KCNIP4: variants seen among roughly 807,000 people sequenced by gnomAD.
The protein encoded by KCNIP4 is Kv channel-interacting protein 4.
In KCNIP4, 12 loss-of-function variants were observed where a neutral mutation model predicts 34.0. The ratio of observed to expected loss-of-function variants is 0.35; its 90% confidence interval spans 0.23 to 0.57. The LOEUF (loss-of-function observed/expected upper bound fraction) is 0.57. Ranked by LOEUF, KCNIP4 falls within the 20% of genes least tolerant of loss-of-function variation. KCNIP4 has a pLI of 0.83. For missense variants in KCNIP4, 238 were observed against 311.7 expected (o/e 0.76, Z 1.78); for synonymous variants, 124 against 102.2 (o/e 1.21, Z -1.29).
chr4:20,811,358 C>G (rs1715728498), intron 3 of KCNIP4, among the ~76,000 whole-genome samples: 1 of 152,176 alleles, frequency 6.6e-6, no homozygotes, highest in Non-Finnish European at 1.5e-5. Flanking sequence ...CATGTTGAAA[C>G]TATACACATA....
chr4:21,316,356 CAAAG>C (rs962476426), intron 1 of KCNIP4: 29 of 151,926 alleles, frequency 1.9e-4, no homozygotes, highest in Admixed American at 1.9e-3. Flanking sequence ...TGGAAAGGAA[CAAAG>C]AAAGAAAAAA....
intron 1 of KCNIP4, among the ~76,000 whole-genome samples, chr4:21,104,419 T>C (rs1577696844): frequency 6.6e-6 from 1 of 152,214 alleles, no homozygotes; most frequent in East Asian, 1.9e-4. Context: ...TTCATATCCT[T>C]CATCCACTTT....
intron 1 of KCNIP4, among the ~76,000 whole-genome samples, chr4:21,205,696 T>C (rs1439044135): frequency 6.6e-6 from 1 of 152,218 alleles, no homozygotes; most frequent in Non-Finnish European, 1.5e-5. Context: ...CTCCATTTTA[T>C]AGTTGAAGAA....
chr4:21,157,400 T>C (rs1357205504), intron 1 of KCNIP4, among the ~76,000 whole-genome samples: 1 of 152,086 alleles, frequency 6.6e-6, no homozygotes, highest in Non-Finnish European at 1.5e-5. Context: ...TAAGGCACTT[T>C]CAATTCTGAT....
chr4:21,619,267 T>C (rs1183611168), intron 1 of KCNIP4, among the ~76,000 whole-genome samples: 2 of 152,216 alleles, frequency 1.3e-5, no homozygotes, highest in Non-Finnish European at 2.9e-5. Flanking sequence ...ACTAATGCGC[T>C]CCACATTTTA....
intron 1 of KCNIP4, among the ~76,000 whole-genome samples, chr4:20,993,890 C>T (rs1378642484): frequency 6.6e-6 from 1 of 152,140 alleles, no homozygotes; most frequent in East Asian, 1.9e-4. Flanking sequence ...AGGAGGGAAT[C>T]AATTTTCTTG....
At chr4:21,825,882 C>A (rs1356832275) in intron 1 of KCNIP4, among the ~76,000 whole-genome samples, 3 of 151,992 alleles carry the variant, frequency 2.0e-5, no homozygotes, top group Non-Finnish European at 4.4e-5. Context: ...GAGAGGATGG[C>A]AGATAATTTA....
At chr4:21,817,210 G>C (rs867329621) in intron 1 of KCNIP4, among the ~76,000 whole-genome samples, 1 of 152,104 alleles carries the variant, frequency 6.6e-6, no homozygotes, top group African/African-American at 2.4e-5. Flanking sequence ...GGGACCATCT[G>C]GAGCCGTGGC....
intron 1 of KCNIP4, among the ~76,000 whole-genome samples, chr4:21,253,356 T>G (rs1040973742): frequency 1.2e-4 from 18 of 152,202 alleles, no homozygotes; most frequent in Non-Finnish European, 2.5e-4. Context: ...GAAAGTAATC[T>G]TCTGGAGAAA....
chr4:21,642,251 G>A (rs572874707), intron 1 of KCNIP4, among the ~76,000 whole-genome samples: 94 of 152,128 alleles, frequency 6.2e-4, no homozygotes, highest in African/African-American at 2.1e-3. Context: ...CAGAAGAGTG[G>A]AATGACCTTT....
intron 1 of KCNIP4, among the ~76,000 whole-genome samples, chr4:21,805,787 T>A (rs1163102234): frequency 6.6e-6 from 1 of 152,196 alleles, no homozygotes; most frequent in Non-Finnish European, 1.5e-5. Flanking sequence ...CCCTGGCCAG[T>A]AAGCAAGTTC....
chr4:21,934,168 T>C (rs1046718669), intron 1 of KCNIP4, among the ~76,000 whole-genome samples: 1 of 152,000 alleles, frequency 6.6e-6, no homozygotes, highest in East Asian at 1.9e-4. Flanking sequence ...GCTATGCAAA[T>C]GCAATGCTCC....
At chr4:21,918,441 A>C (rs977315159) in intron 1 of KCNIP4, among the ~76,000 whole-genome samples, 1 of 152,154 alleles carries the variant, frequency 6.6e-6, no homozygotes, top group Non-Finnish European at 1.5e-5. Flanking sequence ...ACAGGCAAAG[A>C]CACGAAACTG....
chr4:20,877,286 A>G, intron 2 of KCNIP4, among the ~76,000 whole-genome samples: 1 of 152,186 alleles, frequency 6.6e-6, no homozygotes, highest in East Asian at 1.9e-4. Flanking sequence ...TAGAAATCGT[A>G]ACTTTCGTTC....
intron 1 of KCNIP4, among the ~76,000 whole-genome samples, chr4:21,232,619 T>C (rs1359263426): frequency 1.3e-5 from 2 of 152,196 alleles, no homozygotes; most frequent in South Asian, 2.1e-4. Flanking sequence ...AGATCTGGGA[T>C]TTAATTCATT....
intron 1 of KCNIP4, among the ~76,000 whole-genome samples, chr4:21,215,757 A>G (rs751763940): frequency 2.6e-5 from 4 of 152,220 alleles, no homozygotes; most frequent in Admixed American, 6.5e-5. Flanking sequence ...AAAGTAAACT[A>G]GCAATTAAAA....
Position 21,578,490 on chromosome 4 carries a change from C to A in KCNIP4, c.61+370081G>T, listed in dbSNP as rs1740934863. Among the ~76,000 whole-genome samples, 2 of 151,376 alleles carry A rather than the reference C, an allele frequency of 1.3e-5. 1 individual carries two copies. Among genetic ancestry groups the A allele is most frequent in the South Asian group, 4.2e-4 (2 of 4,790 alleles). On this transcript the variant is annotated intron_variant, in intron 1 of 8. Coordinates refer to ENST00000382152, the MANE Select transcript of KCNIP4 (RefSeq NM_025221.6). The stretch of plus-strand genomic sequence containing the variant: ...ACATATGACAAAACATGGGCATTAA[C>A]AAAGGAGAAAAAGAAAAACGGAGCA...
intron 1 of KCNIP4, among the ~76,000 whole-genome samples, chr4:21,502,044 G>T (rs1176590976): frequency 1.3e-5 from 2 of 150,818 alleles, no homozygotes; most frequent in Non-Finnish European, 3.0e-5. Flanking sequence ...CCCAATGCAG[G>T]CAGCTTGCTA....
intron 1 of KCNIP4, among the ~76,000 whole-genome samples, chr4:21,921,045 T>C (rs928349528): frequency 5.3e-5 from 8 of 152,206 alleles, no homozygotes; most frequent in African/African-American, 1.9e-4. Flanking sequence ...TTCCTTTAAG[T>C]GCTTGAGTTT....
Sources: allele counts gnomAD v4.1 joint callset (sites outside exome capture counted in the v4.1 genomes callset), GRCh38; gene constraint gnomAD v4.1.1; transcripts MANE v1.5; gene names NCBI Gene and HGNC (gene_info 2026-07-23, HGNC 2026-07-21).